Variants in INTS1 observed in about 807,000 individuals in gnomAD.
INTS1 encodes the protein integrator complex subunit 1.
In INTS1, 137 loss-of-function variants were observed where a neutral mutation model predicts 241.6. The ratio of observed to expected loss-of-function variants is 0.57; its 90% confidence interval spans 0.49 to 0.65. INTS1 has a LOEUF of 0.65. INTS1 is among the 30% of genes least tolerant of loss of function. INTS1 has a pLI of 0.00. For synonymous variants in INTS1, 1,692 were observed against 1,337.8 expected (o/e 1.26, Z -5.78); for missense variants, 3,073 against 3,032.2 (o/e 1.01, Z -0.32).
At chr7:1,488,066 C>T in intron 18 of INTS1, 109 bp from the exon 19 acceptor site, 4 of 1,152,584 alleles carry the variant, frequency 3.5e-6, no homozygotes, top group Non-Finnish European at 5.1e-6. Context: ...GCTGCTGCCT[C>T]TGCTGCACAG....
chr7:1,474,336 G>C lies in INTS1; in HGVS notation c.5661C>G (p.Leu1887=). The C allele has an allele frequency of 6.2e-7, 1 of 1,602,878 alleles. No homozygotes were observed. The highest frequency in any genetic ancestry group is 8.5e-7 in the Non-Finnish European group (1 of 1,176,296). The change falls in exon 41 of 48, where the codon CTC becomes CTG. Residue 1887 remains leucine (L), a synonymous_variant. Transcript: ENST00000404767. ...LLRHLPMIAA[L]LHGRTHLNFQ... Reference sequence around the variant, plus strand: ...AGTTGAGGTGGGTGCGGCCGTGCAGGAGCGCCGCGATCATGGGCAGGTGCC... The same window carrying C: ...AGTTGAGGTGGGTGCGGCCGTGCAGCAGCGCCGCGATCATGGGCAGGTGCC...
intron 13 of INTS1, 46 bp downstream of exon 13, chr7:1,495,387 G>A (rs1322755948): frequency 3.8e-6 from 6 of 1,576,560 alleles, no homozygotes; most frequent in Non-Finnish European, 5.2e-6. Flanking sequence ...GCTTGTCCCG[G>A]CTCAGTGGGG....
intron 18 of INTS1, among the ~76,000 whole-genome samples, chr7:1,488,594 C>T (rs748491222): frequency 8.5e-5 from 13 of 152,078 alleles, no homozygotes; most frequent in African/African-American, 1.2e-4. Context: ...CACAGTGCAA[C>T]GGCCCCAAAC....
At chr7:1,478,691 C>A in intron 32 of INTS1, 35 bp downstream of exon 32, 1 of 1,519,456 alleles carries the variant, frequency 6.6e-7, no homozygotes, top group South Asian at 1.2e-5. Flanking sequence ...TGTCCAGTGC[C>A]CCCCAGCCGT....
intron 3 of INTS1, among the ~76,000 whole-genome samples, chr7:1,501,520 C>T (rs1341974953): frequency 3.9e-5 from 6 of 152,260 alleles, no homozygotes; most frequent in East Asian, 1.9e-4. Context: ...GAGAATAATA[C>T]TATAAAGTGA....
At chr7:1,491,862 G>A (rs991222126) in intron 16 of INTS1, among the ~76,000 whole-genome samples, 43 of 152,304 alleles carry the variant, frequency 2.8e-4, no homozygotes, top group African/African-American at 9.6e-4. Flanking sequence ...TTGTGCCACC[G>A]CACTCCAGCC....
In INTS1 at chr7:1,487,904, A is replaced by G; in HGVS notation, c.2372T>C (p.Met791Thr). 1 of 1,613,458 alleles carries G rather than the reference A, an allele frequency of 6.2e-7. No homozygotes were observed. The highest frequency in any genetic ancestry group is 8.5e-7 in the Non-Finnish European group (1 of 1,179,826). ...TLTDEETRTE[M>T]LNRELQTAQR... ...GGCGGTCTGCAGCTCACGGTTCAGC[A>G]TCTCCGTCCGGGTCTCCTCATCCGT... is the stretch of plus-strand genomic sequence containing the variant. Residue 791 changes from methionine (M) to threonine (T), a missense_variant, in exon 19 of 48, where the codon ATG becomes ACG. By Grantham distance (81) the Met-to-Thr change is moderately conservative (BLOSUM62 -1). Coordinates refer to ENST00000404767, the MANE Select transcript of INTS1 (RefSeq NM_001080453.3).
At position 1,497,651 on chromosome 7, in the gene INTS1, C is replaced by T. The variant is rs1402171887; in HGVS notation, c.1426-337G>A. On this transcript the variant is annotated intron_variant, in intron 10 of 47. Transcript: ENST00000404767. This position sits in a 1 kb window ranked among gnomAD's most constrained non-coding sequence, Gnocchi z 5.3. ...GCCCACCCGTGCGCCACGGGCTGAA[C>T]GGAAACCAAAGGCCACCACCCAAGA... is the stretch of plus-strand genomic sequence containing the variant. 6.6e-6 allele frequency among the ~76,000 whole-genome samples: 1 copy of T among 152,200 alleles called. No homozygotes were observed. Among genetic ancestry groups the T allele is most frequent in the Non-Finnish European group, 1.5e-5 (1 of 68,040 alleles).
In INTS1 at chr7:1,478,555, C is replaced by T. The variant is rs139170913; in HGVS notation, c.4490-49G>A. 13,708 of 1,583,622 alleles carry T rather than the reference C, an allele frequency of 8.7e-3. 82 individuals carry two copies. The highest frequency in any genetic ancestry group is 0.012 in the Admixed American group (679 of 57,218). Reference sequence around the variant, plus strand: ...CCTGTGGCTCCAGCCCTCACCCCATCGGTGTATCCCATCCAGGGAGGCCCC... The same window carrying T: ...CCTGTGGCTCCAGCCCTCACCCCATTGGTGTATCCCATCCAGGGAGGCCCC... On this transcript the variant is annotated intron_variant, in intron 32 of 47. Transcript: ENST00000404767.
chr7:1,486,830 G>A lies in INTS1; in HGVS notation c.2827-56C>T, dbSNP rs1380981907. 2.1e-5 allele frequency: 33 copies of A among 1,601,352 alleles called. 1 individual carries two copies. The highest frequency in any genetic ancestry group is 6.7e-5 in the Admixed American group (4 of 59,726). On this transcript the variant is annotated intron_variant, in intron 21 of 47. Coordinates refer to ENST00000404767, the MANE Select transcript of INTS1 (RefSeq NM_001080453.3). ...AGGTGACAGGCCAGGCGGGTAGGACGTGGGGTGCGCGGCTGGTGGGCTCAG... is the reference window on the plus strand; with the variant it reads ...AGGTGACAGGCCAGGCGGGTAGGACATGGGGTGCGCGGCTGGTGGGCTCAG...
rs779660617 is a variant in INTS1, at chr7:1,470,799, G to A, written c.6457+47C>T. The A allele has an allele frequency of 5.3e-6, 8 of 1,497,082 alleles. No homozygotes were observed. The South Asian group carries it at 8.6e-5, about 16-fold the overall frequency. 92.7% of individuals were successfully genotyped at this position (1,497,082 alleles called of 1,614,324 possible). ...CCAGCCCTCGGGGGACGCACCTCCG[G>A]CCTCCCCGAGGGCTGCCAGGGCCCT... is the stretch of plus-strand genomic sequence containing the variant. On this transcript the variant is annotated intron_variant, in intron 47 of 47. Transcript: ENST00000404767.
rs1782679615 is a variant in INTS1 at position 1,493,385 on chromosome 7, C to A, written c.2069-279G>T. Among the ~76,000 whole-genome samples, 1 of 152,042 alleles carries A rather than the reference C, an allele frequency of 6.6e-6. No homozygotes were observed. The highest frequency in any genetic ancestry group is 2.4e-5 in the African/African-American group (1 of 41,384). On this transcript the variant is annotated intron_variant, in intron 15 of 47. Transcript: ENST00000404767. The surrounding 1 kb of genome is among the most constrained non-coding windows in gnomAD (Gnocchi z 5.3). ...GGGGGTGTGGCCGGCAGGGTGGGGA[C>A]CCGCAAGCCCTCGGGGCAGAGCCAC...
At chr7:1,487,655 G>T (rs1399652672) in intron 19 of INTS1, 105 bp downstream of exon 19, 7 of 1,422,040 alleles carry the variant, frequency 4.9e-6, no homozygotes, top group Non-Finnish European at 6.8e-6. Context: ...AGGTTCTGCC[G>T]CAGTGCGGTC....
intron 30 of INTS1, 26 bp downstream of exon 30, chr7:1,480,291 A>C: frequency 6.3e-7 from 1 of 1,584,492 alleles, no homozygotes; most frequent in Non-Finnish European, 8.6e-7. Flanking sequence ...CTGCAGGTGG[A>C]GACCCACATG....
chr7:1,503,316 A>G lies in INTS1; in HGVS notation c.59-125T>C, dbSNP rs990072201. 1.2e-5 allele frequency: 12 copies of G among 1,023,406 alleles called. 1 individual carries two copies. In the Admixed American group the frequency reaches 2.2e-4, roughly 19 times the overall value. 63.4% of individuals were successfully genotyped at this position (1,023,406 alleles called of 1,614,324 possible). On this transcript the variant is annotated intron_variant, in intron 2 of 47. Transcript: ENST00000404767. ...GGTCAGAGGAGGCAAGGAAGAAGCC[A>G]GAGCTCACTCAGCAGCCTACAGCAG...
chr7:1,488,221 C>T (rs1036994250), intron 18 of INTS1, among the ~76,000 whole-genome samples: 7 of 152,184 alleles, frequency 4.6e-5, no homozygotes, highest in East Asian at 3.9e-4. Flanking sequence ...CCAAGGCCAG[C>T]GGTGTCAGAA....
chr7:1,499,290 C>T lies in INTS1; in HGVS notation c.915G>A (p.Lys305=). 6.2e-7 allele frequency: 1 copy of T among 1,609,280 alleles called. No individual in the cohort carries two copies. The highest frequency in any genetic ancestry group is 8.5e-7 in the Non-Finnish European group (1 of 1,178,308). Residue 305 remains lysine (K), a synonymous_variant, in exon 7 of 48, where the codon AAG becomes AAA. Coordinates refer to ENST00000404767, the MANE Select transcript of INTS1 (RefSeq NM_001080453.3). Reference sequence around the variant, plus strand: ...GCTGGCCCTCCTGCTCGGGGCTCAGCTTCTCCTCCGCGATCAGCAACTCCG... The same window carrying T: ...GCTGGCCCTCCTGCTCGGGGCTCAGTTTCTCCTCCGCGATCAGCAACTCCG... ...SQTELLIAEE[K]LSPEQEGQLM...
intron 44 of INTS1, 87 bp downstream of exon 44, chr7:1,472,186 A>G: frequency 2.0e-6 from 2 of 1,016,004 alleles, no homozygotes; most frequent in African/African-American, 1.6e-5. Flanking sequence ...CGCCAAAGTC[A>G]GTGCCCAAAT....
rs1782642033 is a variant in INTS1 at position 1,492,896 on chromosome 7, G to C, written c.2165+114C>G. Reference sequence around the variant, plus strand: ...TACCCGGGCGGGAGTGGGGAGCGGGGCGCAGGCTTACCCGGGCGGGAGTGG... The same window carrying C: ...TACCCGGGCGGGAGTGGGGAGCGGGCCGCAGGCTTACCCGGGCGGGAGTGG... On this transcript the variant is annotated intron_variant, in intron 16 of 47. Transcript: ENST00000404767. The C allele has an allele frequency of 1.2e-5, 7 of 594,130 alleles. 1 individual carries two copies. Among genetic ancestry groups the C allele is most frequent in the Non-Finnish European group, 2.0e-5 (7 of 346,692 alleles). The allele number at this position is 594,130 out of a possible 1,614,324, so 36.8% of individuals were successfully genotyped here.
Sources: allele counts gnomAD v4.1 joint callset (sites outside exome capture counted in the v4.1 genomes callset), GRCh38; gene constraint gnomAD v4.1.1; non-coding constraint Gnocchi (gnomAD v3.1); transcripts MANE v1.5; gene names NCBI Gene and HGNC (gene_info 2026-07-23, HGNC 2026-07-21).